Variants in DGLUCY observed in about 807,000 individuals in gnomAD.
DGLUCY encodes the protein D-glutamate cyclase, mitochondrial.
Under a neutral mutation model 58.5 loss-of-function variants are expected in DGLUCY, and 58 were observed. The ratio of observed to expected loss-of-function variants is 0.99; its 90% CI spans 0.80 to 1.23. DGLUCY has a LOEUF of 1.23. Among genes scored for constraint, DGLUCY ranks in the 50% most tolerant of loss-of-function variants. The pLI is 0.00. For synonymous variants in DGLUCY, 325 were observed against 314.1 expected (o/e 1.03, Z -0.37); for missense variants, 779 against 784.7 (o/e 0.99, Z 0.09).
At chr14:91,099,257 G>A (rs2044444265) in intron 1 of DGLUCY, among the ~76,000 whole-genome samples, 1 of 152,168 alleles carries the variant, frequency 6.6e-6, no homozygotes, top group African/African-American at 2.4e-5. Flanking sequence ...CACTGGCCAG[G>A]CACGGTGACT....
At chr14:91,151,467 C>A (rs183213613) in intron 1 of DGLUCY, among the ~76,000 whole-genome samples, 1 of 151,962 alleles carries the variant, frequency 6.6e-6, no homozygotes, top group Admixed American at 6.6e-5. Context: ...GGTCTCGTCT[C>A]GATCTCCTGA....
intron 13 of DGLUCY, among the ~76,000 whole-genome samples, chr14:91,222,055 T>G (rs1595965907): frequency 6.6e-6 from 1 of 152,180 alleles, no homozygotes; most frequent in Non-Finnish European, 1.5e-5. Context: ...TCTCCCTCAC[T>G]TGGGTCCTCC....
At chr14:91,169,253 T>C (rs2048439503) in intron 4 of DGLUCY, among the ~76,000 whole-genome samples, 1 of 152,016 alleles carries the variant, frequency 6.6e-6, no homozygotes, top group Admixed American at 6.6e-5. Flanking sequence ...AAAGAAGTCT[T>C]TCAACCCTAC....
At chr14:91,066,168 A>C (rs1032024491) in intron 1 of DGLUCY, among the ~76,000 whole-genome samples, 2 of 152,126 alleles carry the variant, frequency 1.3e-5, no homozygotes, top group Non-Finnish European at 2.9e-5. Flanking sequence ...ACCTGAGGTC[A>C]GGAGTTTGAG....
chr14:91,221,743 A>G (rs571689185), intron 13 of DGLUCY, among the ~76,000 whole-genome samples: 2 of 152,244 alleles, frequency 1.3e-5, no homozygotes, highest in South Asian at 4.2e-4. Flanking sequence ...TATTCTTTAT[A>G]ACTTATTTTT....
At chr14:91,133,185 C>T (rs1304452817) in intron 1 of DGLUCY, among the ~76,000 whole-genome samples, 1 of 151,960 alleles carries the variant, frequency 6.6e-6, no homozygotes, top group African/African-American at 2.4e-5. Flanking sequence ...ATCTCAGCTA[C>T]TTGGGGGGCT....
intron 1 of DGLUCY, among the ~76,000 whole-genome samples, chr14:91,144,106 A>AT (rs2046885235): frequency 1.3e-5 from 2 of 152,186 alleles, no homozygotes; most frequent in Non-Finnish European, 2.9e-5. Context: ...GCAATGAGCC[A>AT]TTTTCTGAAA....
At chr14:91,141,752 C>T (rs896673132) in intron 1 of DGLUCY, among the ~76,000 whole-genome samples, 11 of 151,854 alleles carry the variant, frequency 7.2e-5, no homozygotes, top group Non-Finnish European at 1.2e-4. Flanking sequence ...GCTTTCACCA[C>T]GTTGGTCAGG....
At chr14:91,081,061 G>T (rs767564733) in intron 1 of DGLUCY, among the ~76,000 whole-genome samples, 4 of 152,130 alleles carry the variant, frequency 2.6e-5, no homozygotes, top group Non-Finnish European at 5.9e-5. Flanking sequence ...AAATTAGCTG[G>T]GCATGGCGGC....
intron 1 of DGLUCY, among the ~76,000 whole-genome samples, chr14:91,069,378 C>A (rs896025667): frequency 2.0e-5 from 3 of 151,916 alleles, no homozygotes; most frequent in Non-Finnish European, 2.9e-5. Flanking sequence ...CGGGTTCAAG[C>A]GATTCTCCTG....
chr14:91,146,940 GC>G (rs1439377968), intron 1 of DGLUCY, among the ~76,000 whole-genome samples: 1 of 151,876 alleles, frequency 6.6e-6, no homozygotes, highest in Admixed American at 6.6e-5. Flanking sequence ...GCCAGGGAGA[GC>G]CCAGGGACTC....
chr14:91,101,309 C>T (rs531135134), intron 1 of DGLUCY, among the ~76,000 whole-genome samples: 6 of 152,276 alleles, frequency 3.9e-5, no homozygotes, highest in African/African-American at 1.2e-4. Flanking sequence ...GCCCCCTCCC[C>T]GACCCCTAGC....
chr14:91,209,742 A>C (rs1202847070), intron 12 of DGLUCY, among the ~76,000 whole-genome samples: 1 of 152,094 alleles, frequency 6.6e-6, no homozygotes, highest in Admixed American at 6.6e-5. Context: ...AGAAAGCAAA[A>C]AACAAACCAA....
chr14:91,128,346 G>A (rs147343911), intron 1 of DGLUCY, among the ~76,000 whole-genome samples: 213 of 150,994 alleles, frequency 1.4e-3, no homozygotes, highest in African/African-American at 5.0e-3. Flanking sequence ...AATATTAGCC[G>A]GGCATGGGGG....
At chr14:91,084,245 C>T (rs1411299480) in intron 1 of DGLUCY, among the ~76,000 whole-genome samples, 1 of 151,108 alleles carries the variant, frequency 6.6e-6, no homozygotes, top group Non-Finnish European at 1.5e-5. Flanking sequence ...GCTCTGTCAC[C>T]CGGGCTGGAT....
intron 1 of DGLUCY, among the ~76,000 whole-genome samples, chr14:91,073,455 A>G (rs572581853): frequency 6.6e-6 from 1 of 152,340 alleles, no homozygotes; most frequent in African/African-American, 2.4e-5. Flanking sequence ...AAATTTTTTA[A>G]AAATTAACTC....
At chr14:91,218,300 A>G (rs1285866) in intron 13 of DGLUCY, among the ~76,000 whole-genome samples, 3,503 of 152,190 alleles carry the variant, frequency 0.023, 100 homozygotes, top group African/African-American at 0.067. Context: ...CAAACAAATC[A>G]CACAGCCCAA....
At chr14:91,215,817 C>A in intron 13 of DGLUCY, 1 of 1,222,466 alleles carries the variant, frequency 8.2e-7, no homozygotes, top group East Asian at 3.6e-5. Context: ...CTTCTCTGAG[C>A]CTCATTTTCT....
chr14:91,096,397 G>A (rs1460420283), intron 1 of DGLUCY, among the ~76,000 whole-genome samples: 3 of 150,694 alleles, frequency 2.0e-5, no homozygotes, highest in African/African-American at 7.3e-5. Flanking sequence ...ACTCCAGCCT[G>A]GGTGACAGAG....
Sources: gnomAD v4.1 joint callset for allele counts (sites outside exome capture counted in the v4.1 genomes callset) on GRCh38, gnomAD v4.1.1 for gene constraint, MANE v1.5 for transcripts, NCBI Gene and HGNC (gene_info 2026-07-23, HGNC 2026-07-21) for gene names.